The following HS6ST3 variants were observed in gnomAD, a reference collection of about 807,000 sequenced individuals.
The protein encoded by HS6ST3 is heparan-sulfate 6-O-sulfotransferase 3.
In HS6ST3, 12 loss-of-function variants were observed where a neutral mutation model predicts 36.7. That is an observed-to-expected ratio of 0.33 (90% CI 0.21 to 0.53). HS6ST3 has a LOEUF of 0.53. Among genes scored for constraint, HS6ST3 ranks in the 20% least tolerant of loss-of-function variants. The pLI is 0.95. For missense variants in HS6ST3, 584 were observed against 640.9 expected (o/e 0.91, Z 0.96); for synonymous variants, 240 against 257.5 (o/e 0.93, Z 0.65).
At chr13:96,643,146 T>G (rs1018319162) in intron 1 of HS6ST3, among the ~76,000 whole-genome samples, 9 of 152,030 alleles carry the variant, frequency 5.9e-5, no homozygotes, top group Non-Finnish European at 1.3e-4. Flanking sequence ...CTAAAGTTCC[T>G]GCTAGGTGAC....
At chr13:96,477,741 G>A (rs1420607151) in intron 1 of HS6ST3, among the ~76,000 whole-genome samples, 2 of 151,958 alleles carry the variant, frequency 1.3e-5, no homozygotes, top group African/African-American at 4.8e-5. Context: ...GTGTTGATGG[G>A]CACCTGTAAT....
At chr13:96,388,066 A>T (rs191393578) in intron 1 of HS6ST3, among the ~76,000 whole-genome samples, 3 of 152,196 alleles carry the variant, frequency 2.0e-5, no homozygotes, top group African/African-American at 7.2e-5. Flanking sequence ...GGAATTCCAT[A>T]GATTCATCTG....
intron 1 of HS6ST3, among the ~76,000 whole-genome samples, chr13:96,605,305 A>T (rs2056434794): frequency 1.3e-5 from 2 of 152,154 alleles, no homozygotes; most frequent in Admixed American, 6.6e-5. Context: ...ATTATTTTGA[A>T]AGAATGCCTA....
At position 96,509,539 on chromosome 13, in the gene HS6ST3, A is replaced by G. The variant is rs148646238; in HGVS notation, c.708-322951A>G. Among the ~76,000 whole-genome samples, 818 of 152,258 alleles carry G rather than the reference A, an allele frequency of 5.4e-3. 7 individuals are homozygous for G. The highest frequency in any genetic ancestry group is 0.014 in the African/African-American group (597 of 41,566). On this transcript the variant is annotated intron_variant, in intron 1 of 1. Coordinates refer to ENST00000376705, the MANE Select transcript of HS6ST3 (RefSeq NM_153456.4). ...TTTTTGTATAAGGTGAAAGATAGGG[A>G]TCCAGTTTCATTATTCTACATGTTG...
chr13:96,183,362 G>C (rs900287981), intron 1 of HS6ST3, among the ~76,000 whole-genome samples: 6 of 152,206 alleles, frequency 3.9e-5, no homozygotes, highest in African/African-American at 1.4e-4. Context: ...GTGGAAGAAA[G>C]TTTGGGATGA....
At chr13:96,241,126 A>C (rs2139372524) in intron 1 of HS6ST3, among the ~76,000 whole-genome samples, 1 of 131,374 alleles carries the variant, frequency 7.6e-6, no homozygotes, top group East Asian at 2.2e-4. Flanking sequence ...TCTTTTTGCA[A>C]ATCAGGTCCT....
chr13:96,295,330 A>T (rs1162451644), intron 1 of HS6ST3, among the ~76,000 whole-genome samples: 1 of 152,148 alleles, frequency 6.6e-6, no homozygotes, highest in Admixed American at 6.6e-5. Context: ...AAACATTTTA[A>T]ATATCAGAAT....
intron 1 of HS6ST3, among the ~76,000 whole-genome samples, chr13:96,615,500 A>G (rs1256029214): frequency 1.3e-5 from 2 of 152,316 alleles, no homozygotes; most frequent in East Asian, 1.9e-4. Context: ...ATCTTGGCCC[A>G]TTCATCATCT....
intron 1 of HS6ST3, among the ~76,000 whole-genome samples, chr13:96,604,489 T>G (rs920253787): frequency 3.3e-5 from 5 of 152,148 alleles, no homozygotes; most frequent in African/African-American, 4.8e-5. Context: ...TCAGATACAT[T>G]TGTTTTGGCT....
chr13:96,170,670 T>G (rs2054183303), intron 1 of HS6ST3, among the ~76,000 whole-genome samples: 1 of 152,122 alleles, frequency 6.6e-6, no homozygotes, highest in Non-Finnish European at 1.5e-5. Context: ...GGAACTGTCA[T>G]GGGGAACTCA....
chr13:96,462,667 CTG>C (rs1237618695), intron 1 of HS6ST3, among the ~76,000 whole-genome samples: 1 of 152,134 alleles, frequency 6.6e-6, no homozygotes, highest in Non-Finnish European at 1.5e-5. Flanking sequence ...AGAAGCAAAA[CTG>C]TCATTGTTTA....
At chr13:96,169,857 A>C (rs2054179283) in intron 1 of HS6ST3, 2 of 152,264 alleles carry the variant, frequency 1.3e-5, no homozygotes, top group Admixed American at 1.3e-4. Context: ...TTAACAAACA[A>C]ACAAAAATAA....
intron 1 of HS6ST3, among the ~76,000 whole-genome samples, chr13:96,365,497 C>T (rs1237290876): frequency 1.3e-5 from 2 of 152,050 alleles, no homozygotes; most frequent in Non-Finnish European, 2.9e-5. Context: ...TTTTTTTCTG[C>T]TCCATCTTAG....
chr13:96,577,467 A>G (rs952690583), intron 1 of HS6ST3, among the ~76,000 whole-genome samples: 8 of 152,188 alleles, frequency 5.3e-5, no homozygotes, highest in Admixed American at 3.9e-4. Context: ...TAGTGCTGCA[A>G]TAAACATATG....
intron 1 of HS6ST3, among the ~76,000 whole-genome samples, chr13:96,478,315 G>C (rs1343785324): frequency 1.3e-5 from 2 of 152,128 alleles, no homozygotes; most frequent in African/African-American, 2.4e-5. Context: ...TGTAGAGAAG[G>C]GTTTTAAGGA....
At chr13:96,351,697 G>A (rs188767821) in intron 1 of HS6ST3, among the ~76,000 whole-genome samples, 11 of 152,178 alleles carry the variant, frequency 7.2e-5, no homozygotes, top group East Asian at 3.9e-4. Flanking sequence ...GTCTTCTACC[G>A]TAATATATTT....
intron 1 of HS6ST3, among the ~76,000 whole-genome samples, chr13:96,317,965 A>G (rs2054984295): frequency 6.6e-6 from 1 of 152,004 alleles, no homozygotes; most frequent in Admixed American, 6.6e-5. Context: ...TCTTTGTTAG[A>G]TGCACAGTTT....
At chr13:96,324,774 G>A (rs61966909) in intron 1 of HS6ST3, among the ~76,000 whole-genome samples, 12,696 of 152,190 alleles carry the variant, frequency 0.083, 576 homozygotes, top group Middle Eastern at 0.12. Flanking sequence ...AATGCCTGGA[G>A]CTATCCAGTA....
At chr13:96,703,697 T>C (rs917800573) in intron 1 of HS6ST3, among the ~76,000 whole-genome samples, 3 of 152,210 alleles carry the variant, frequency 2.0e-5, no homozygotes, top group African/African-American at 7.2e-5. Context: ...TTAAAGGAGC[T>C]TGGCTTAAGC....
Sources: gnomAD v4.1 joint callset for allele counts (sites outside exome capture counted in the v4.1 genomes callset) on GRCh38, gnomAD v4.1.1 for gene constraint, MANE v1.5 for transcripts, NCBI Gene and HGNC (gene_info 2026-07-23, HGNC 2026-07-21) for gene names.